POFUT2: variants seen among roughly 807,000 people sequenced by gnomAD.
The protein encoded by POFUT2 is protein O-fucosyltransferase 2.
Under a neutral mutation model 55.0 loss-of-function variants are expected in POFUT2, and 30 were observed. The ratio of observed to expected loss-of-function variants is 0.55; its 90% CI spans 0.41 to 0.74. The LOEUF (loss-of-function observed/expected upper bound fraction) is 0.74. Among genes scored for constraint, POFUT2 ranks in the 30% least tolerant of loss-of-function variants. The pLI is 0.00. For synonymous variants in POFUT2, 267 were observed against 231.1 expected, an observed-to-expected ratio of 1.16 and a Z score of -1.41; for missense variants, 524 against 562.6, an observed-to-expected ratio of 0.93 and a Z score of 0.69.
At chr21:45,268,679 C>G (rs555328247) in intron 7 of POFUT2, among the ~76,000 whole-genome samples, 3 of 149,694 alleles carry the variant, frequency 2.0e-5, no homozygotes, top group Non-Finnish European at 4.5e-5. Flanking sequence ...GCCACGACCC[C>G]GTCTGGGAGG....
chr21:45,284,550 A>T lies in POFUT2; in HGVS notation c.383-1023T>A, dbSNP rs2031166376. ...GATGGCAGGTAAGCGTGAGACCAGC[A>T]TATGTGCCTCAGAAGCTCATTACAC... is the stretch of plus-strand genomic sequence containing the variant. On this transcript the variant is annotated intron_variant, in intron 2 of 8. Transcript: ENST00000349485. The surrounding 1 kb of genome is among the most constrained non-coding windows in gnomAD (Gnocchi z 5.8). Among the ~76,000 whole-genome samples the T allele has an allele frequency of 6.6e-6, 1 of 152,202 alleles. No individual in the cohort carries two copies. Among genetic ancestry groups the T allele is most frequent in the Non-Finnish European group, 1.5e-5 (1 of 68,024 alleles).
intron 6 of POFUT2, among the ~76,000 whole-genome samples, chr21:45,271,039 A>G (rs557061715): frequency 6.6e-6 from 1 of 152,326 alleles, no homozygotes; most frequent in East Asian, 1.9e-4. Flanking sequence ...GATCCAAACC[A>G]GGAAGAAATC....
At position 45,269,856 on chromosome 21, in the gene POFUT2, G is replaced by A. The variant is rs1409110950; in HGVS notation, c.995C>T (p.Thr332Ile). ...THRLDKVFVA[T>I]DAVRKEYEEL... ...CTCCATACCCTTTCTGACGGCATCTGTGGCCACAAACACCTTGTCCAGCCG... is the reference window on the plus strand; with the variant it reads ...CTCCATACCCTTTCTGACGGCATCTATGGCCACAAACACCTTGTCCAGCCG... The change falls in exon 7 of 9, where the codon ACA (threonine) becomes ATA (isoleucine). Residue 332 changes from threonine (T) to isoleucine (I), a missense_variant. Thr to Ile is a moderately conservative substitution (Grantham distance 89). Around this residue, in one of 2 missense-constraint regions of POFUT2, gnomAD observed 250 missense variants for 318.2 expected, o/e 0.79. Transcript: ENST00000349485. 2 of 1,604,924 alleles carry A rather than the reference G, an allele frequency of 1.2e-6. No homozygotes were observed. Among genetic ancestry groups the A allele is most frequent in the Non-Finnish European group, 1.7e-6 (2 of 1,177,796 alleles).
At chr21:45,280,062 ACACGGGCGCGGGTAGAGGACATTCCG>A (rs2030407658) in intron 4 of POFUT2, among the ~76,000 whole-genome samples, 1 of 152,170 alleles carries the variant, frequency 6.6e-6, no homozygotes, top group Non-Finnish European at 1.5e-5. Context: ...CGCACATTCC[ACACGGGCGCGGGTAGAGGACATTCCG>A]CACGGGCACA....
At chr21:45,278,082 C>A in intron 5 of POFUT2, 21 bp downstream of exon 5, 2 of 1,600,828 alleles carry the variant, frequency 1.2e-6, no homozygotes, top group Non-Finnish European at 1.7e-6. Context: ...CTGAGAAAAA[C>A]GCTCCCGAGG....
chr21:45,287,769 T>C lies in POFUT2; in HGVS notation c.103A>G (p.Ile35Val). 1.4e-6 allele frequency: 2 copies of C among 1,456,738 alleles called. No individual in the cohort carries two copies. The highest frequency in any genetic ancestry group is 2.9e-5 in the East Asian group (1 of 34,410). 90.2% of individuals were successfully genotyped at this position (1,456,738 alleles called of 1,614,324 possible). The change falls in exon 1 of 9, where the codon ATT becomes GTT. Residue 35 changes from isoleucine to valine, a missense_variant. Physicochemically the swap from Ile to Val is conservative, Grantham distance 29 (BLOSUM62 3). This residue lies in a region of POFUT2 where 274 missense variants were observed against 244.4 expected (regional missense o/e 1.12). Coordinates refer to ENST00000349485, the MANE Select transcript of POFUT2 (RefSeq NM_133635.6). ...CTGCGGGAAGCCGCCCCCGACAGAA[T>C]ATCGGCCGCCGATTGTCCGGGCCAG... ...EFWPGQSAAD[I>V]LSGAASRRRY... is the part of the protein sequence containing the mutation.
Position 45,281,620 on chromosome 21 carries a change from C to T in POFUT2, c.638+729G>A, listed in dbSNP as rs1213408627. Among the ~76,000 whole-genome samples, 1 of 152,144 alleles carries T rather than the reference C, an allele frequency of 6.6e-6. No homozygotes were observed. The highest frequency in any genetic ancestry group is 1.5e-5 in the Non-Finnish European group (1 of 68,016). On this transcript the variant is annotated intron_variant, in intron 4 of 8. Coordinates refer to ENST00000349485, the MANE Select transcript of POFUT2 (RefSeq NM_133635.6). This position sits in a 1 kb window ranked among gnomAD's most constrained non-coding sequence, Gnocchi z 5.0. ...GTGGCTGATGGCCTCTAGAGGCACA[C>T]ACAGGGCACGACAGCAGACAAGGCA...
At chr21:45,274,875 G>C (rs1256096699) in intron 6 of POFUT2, among the ~76,000 whole-genome samples, 1 of 152,160 alleles carries the variant, frequency 6.6e-6, no homozygotes, top group Non-Finnish European at 1.5e-5. Flanking sequence ...CACTGGCTTA[G>C]GCAAAGAGTT....
Position 45,282,692 on chromosome 21 carries a change from C to A in POFUT2, c.528-233G>T. On this transcript the variant is annotated intron_variant, in intron 3 of 8. Transcript: ENST00000349485. The surrounding 1 kb of genome is among the most constrained non-coding windows in gnomAD (Gnocchi z 4.6). ...AGGCTTTCCCCATGATAGGGGCTGG[C>A]GGGATGGCCGGGGAGGCAGAGGGAG... 3.6e-5 allele frequency: 20 copies of A among 557,808 alleles called. No individual in the cohort carries two copies. Among genetic ancestry groups the A allele is most frequent in the South Asian group, 3.5e-4 (20 of 56,890 alleles). The allele number at this position is 557,808 out of a possible 1,614,324, so 34.6% of individuals were successfully genotyped here.
Position 45,270,630 on chromosome 21 carries a change from AC to A in POFUT2, c.832-612del, listed in dbSNP as rs368833727. Among the ~76,000 whole-genome samples the A allele has an allele frequency of 6.6e-6, 1 of 151,038 alleles. No individual in the cohort carries two copies. Among genetic ancestry groups the A allele is most frequent in the South Asian group, 2.1e-4 (1 of 4,750 alleles). On this transcript the variant is annotated intron_variant, in intron 6 of 8. Coordinates refer to ENST00000349485, the MANE Select transcript of POFUT2 (RefSeq NM_133635.6). The surrounding 1 kb of genome is among the most constrained non-coding windows in gnomAD (Gnocchi z 4.6). ...GCACTCAACAAAACTACAACCAAGG[AC>A]CCCCCCAGAGTCCACTTCACTCCCC...
chr21:45,282,264 G>C lies in POFUT2; in HGVS notation c.638+85C>G. 5 of 886,282 alleles carry C rather than the reference G, an allele frequency of 5.6e-6. No individual in the cohort carries two copies. The highest frequency in any genetic ancestry group is 1.8e-6 in the Non-Finnish European group (1 of 543,554). The allele number at this position is 886,282 out of a possible 1,614,324, so 54.9% of individuals were successfully genotyped here. ...AGGTGGGTGGGCCAGGGATGCGGGA[G>C]TATGGGCGGAGAGCCCCCAGCCCAG... is the stretch of plus-strand genomic sequence containing the variant. On this transcript the variant is annotated intron_variant, in intron 4 of 8. Transcript: ENST00000349485. This position sits in a 1 kb window ranked among gnomAD's most constrained non-coding sequence, Gnocchi z 4.6.
In POFUT2 at chr21:45,277,907, C is replaced by T. The variant is rs2029996698; in HGVS notation, c.705+196G>A. 2 of 627,936 alleles carry T rather than the reference C, an allele frequency of 3.2e-6. No homozygotes were observed. The highest frequency in any genetic ancestry group is 4.5e-4 in the Middle Eastern group (1 of 2,236). 38.9% of individuals were successfully genotyped at this position (627,936 alleles called of 1,614,324 possible). ...GGGGAGAGCTGGGTGGCCCTGCGGG[C>T]TCCCGAGGACCTGGCTCTGCAGCCA... is the stretch of plus-strand genomic sequence containing the variant. On this transcript the variant is annotated intron_variant, in intron 5 of 8. Coordinates refer to ENST00000349485, the MANE Select transcript of POFUT2 (RefSeq NM_133635.6). This position sits in a 1 kb window ranked among gnomAD's most constrained non-coding sequence, Gnocchi z 6.9.
rs907698965 is a variant in POFUT2 at position 45,281,706 on chromosome 21, C to T, written c.638+643G>A. 6.6e-5 allele frequency among the ~76,000 whole-genome samples: 10 copies of T among 151,912 alleles called. No individual in the cohort carries two copies. Among genetic ancestry groups the T allele is most frequent in the South Asian group, 2.1e-4 (1 of 4,770 alleles). On this transcript the variant is annotated intron_variant, in intron 4 of 8. Transcript: ENST00000349485. This position sits in a 1 kb window ranked among gnomAD's most constrained non-coding sequence, Gnocchi z 5.0. Reference sequence around the variant, plus strand: ...CCTGCTATGCCTGGTCTATGGGAGACGCTCACAGTGCCTGCTGGGGGATTC... The same window carrying T: ...CCTGCTATGCCTGGTCTATGGGAGATGCTCACAGTGCCTGCTGGGGGATTC...
intron 4 of POFUT2, among the ~76,000 whole-genome samples, chr21:45,280,065 C>T (rs761306930): frequency 1.2e-4 from 18 of 152,170 alleles, no homozygotes; most frequent in African/African-American, 2.7e-4. Flanking sequence ...ACATTCCACA[C>T]GGGCGCGGGT....
chr21:45,276,900 G>T, intron 6 of POFUT2, 117 bp downstream of exon 6: 1 of 1,123,684 alleles, frequency 8.9e-7, no homozygotes, highest in Non-Finnish European at 1.3e-6. Context: ...AGGCGCCGAG[G>T]CATCCACGCC....
chr21:45,283,313 G>T (rs562311004), intron 3 of POFUT2, 70 bp downstream of exon 3: 7 of 792,262 alleles, frequency 8.8e-6, no homozygotes, highest in African/African-American at 4.9e-5. Context: ...TGAGGCGGGG[G>T]GGGGGGGACG....
intron 4 of POFUT2, among the ~76,000 whole-genome samples, chr21:45,279,169 A>G (rs1195657874): frequency 1.3e-5 from 2 of 150,024 alleles, no homozygotes; most frequent in East Asian, 3.9e-4. Flanking sequence ...AGGTGGGCGG[A>G]TCACGAGGTC....
In POFUT2 at chr21:45,285,479, A is replaced by C. The variant is rs1253428679; in HGVS notation, c.382+199T>G. 6 of 672,026 alleles carry C rather than the reference A, an allele frequency of 8.9e-6. No individual in the cohort carries two copies. The East Asian group carries it at 1.8e-4, about 20-fold the overall frequency. 41.6% of individuals were successfully genotyped at this position (672,026 alleles called of 1,614,324 possible). On this transcript the variant is annotated intron_variant, in intron 2 of 8. Coordinates refer to ENST00000349485, the MANE Select transcript of POFUT2 (RefSeq NM_133635.6). This position sits in a 1 kb window ranked among gnomAD's most constrained non-coding sequence, Gnocchi z 4.9. ...TCCATTTCCGAGAAACATTTTGGGAAGCTCACTGCAGCGTGGGAAAGGGAC... is the reference window on the plus strand; with the variant it reads ...TCCATTTCCGAGAAACATTTTGGGACGCTCACTGCAGCGTGGGAAAGGGAC...
intron 4 of POFUT2, among the ~76,000 whole-genome samples, chr21:45,279,038 G>C (rs1210282293): frequency 2.6e-5 from 4 of 152,172 alleles, no homozygotes; most frequent in Non-Finnish European, 5.9e-5. Flanking sequence ...AAATAGACCT[G>C]AATATTGGGG....
Sources: gnomAD v4.1 joint callset for allele counts (sites outside exome capture counted in the v4.1 genomes callset) on GRCh38, gnomAD v4.1.1 for gene constraint, gnomAD v4.1.1 regional missense constraint, Gnocchi (gnomAD v3.1) non-coding constraint, MANE v1.5 for transcripts, NCBI Gene and HGNC (gene_info 2026-07-23, HGNC 2026-07-21) for gene names.